Variants in SHANK2 observed in about 807,000 individuals in gnomAD.
SHANK2 encodes the protein SH3 and multiple ankyrin repeat domains protein 2.
A neutral mutation model predicts 133.7 loss-of-function variants in SHANK2; 43 were observed. The observed-to-expected ratio is 0.32, with a 90% CI of 0.25 to 0.41. The LOEUF is 0.41. SHANK2 is among the 10% of genes least tolerant of loss of function. SHANK2 has a pLI of 1.00. For missense variants in SHANK2, 1,994 were observed against 2,235.8 expected, an observed-to-expected ratio of 0.89 and a Z score of 2.18; for synonymous variants, 1,017 against 952.8, an observed-to-expected ratio of 1.07 and a Z score of -1.24.
chr11:70,850,048 C>T (rs1206596308), intron 11 of SHANK2, among the ~76,000 whole-genome samples: 2 of 152,116 alleles, frequency 1.3e-5, no homozygotes, highest in Non-Finnish European at 2.9e-5. Flanking sequence ...CCCTCTGTTT[C>T]TATGAATCTG....
At chr11:70,736,619 G>A (rs1946409950) in intron 14 of SHANK2, among the ~76,000 whole-genome samples, 1 of 152,168 alleles carries the variant, frequency 6.6e-6, no homozygotes, top group Non-Finnish European at 1.5e-5. Flanking sequence ...TGTGGAGGGA[G>A]CACGGCCCTG....
intron 11 of SHANK2, among the ~76,000 whole-genome samples, chr11:70,866,427 G>A (rs889418452): frequency 6.6e-6 from 1 of 152,208 alleles, no homozygotes; most frequent in Admixed American, 6.5e-5. Flanking sequence ...AGAACGAGAT[G>A]CTGCTGAAAC....
At chr11:70,676,562 C>T (rs114994280) in intron 15 of SHANK2, among the ~76,000 whole-genome samples, 1,928 of 152,364 alleles carry the variant, frequency 0.013, 41 homozygotes, top group African/African-American at 0.044. Flanking sequence ...GTGCCCTCCT[C>T]TGGACTCGCC....
chr11:71,067,144 C>T (rs919685410), intron 9 of SHANK2, among the ~76,000 whole-genome samples: 3 of 152,324 alleles, frequency 2.0e-5, no homozygotes, highest in South Asian at 2.1e-4. Flanking sequence ...GAGACCCACA[C>T]CCACAACGCC....
At chr11:70,672,757 A>C (rs1944837103) in intron 15 of SHANK2, among the ~76,000 whole-genome samples, 1 of 152,230 alleles carries the variant, frequency 6.6e-6, no homozygotes, top group Admixed American at 6.5e-5. Flanking sequence ...CCCCAGTAGC[A>C]CATGAGTGCC....
chr11:71,134,597 A>C (rs561890035), intron 3 of SHANK2, among the ~76,000 whole-genome samples: 1 of 151,942 alleles, frequency 6.6e-6, no homozygotes, highest in East Asian at 1.9e-4. Flanking sequence ...GCATCACCAC[A>C]CCTGGCTAAT....
intron 2 of SHANK2, among the ~76,000 whole-genome samples, chr11:71,166,471 G>A (rs1485377900): frequency 1.4e-5 from 2 of 147,046 alleles, no homozygotes; most frequent in Admixed American, 6.7e-5. Flanking sequence ...CAATCCACAC[G>A]TCTTTTTTTT....
intron 10 of SHANK2, among the ~76,000 whole-genome samples, chr11:70,933,937 AC>A (rs1555083008): frequency 6.2e-4 from 94 of 151,854 alleles, no homozygotes; most frequent in African/African-American, 2.1e-3. Context: ...AAACAAACAA[AC>A]AAAACAACAA....
At chr11:70,523,721 G>A (rs1554971547) in intron 17 of SHANK2, among the ~76,000 whole-genome samples, 1 of 152,204 alleles carries the variant, frequency 6.6e-6, no homozygotes, top group Non-Finnish European at 1.5e-5. Flanking sequence ...GGGCTGGGCT[G>A]TGCACGAATC....
chr11:71,145,607 G>C (rs1555106558), intron 3 of SHANK2, among the ~76,000 whole-genome samples: 1 of 152,212 alleles, frequency 6.6e-6, no homozygotes, highest in Non-Finnish European at 1.5e-5. Context: ...CACACATTTA[G>C]CCCTCGCTGG....
intron 2 of SHANK2, among the ~76,000 whole-genome samples, chr11:71,211,350 G>A (rs1954276635): frequency 7.2e-6 from 1 of 139,470 alleles, no homozygotes; most frequent in African/African-American, 3.0e-5. Context: ...ACCAGCCCAG[G>A]CAACATGGAG....
intron 15 of SHANK2, 73 bp downstream of exon 15, chr11:70,698,615 G>A: frequency 1.4e-6 from 1 of 717,268 alleles, no homozygotes; most frequent in South Asian, 1.5e-5. Context: ...CATGCAAGAT[G>A]GTCCAAAGCA....
chr11:70,857,399 A>T (rs1266448787), intron 11 of SHANK2, among the ~76,000 whole-genome samples: 1 of 152,210 alleles, frequency 6.6e-6, no homozygotes, highest in Admixed American at 6.5e-5. Context: ...CAACCTAGCC[A>T]CAAGCAACCT....
chr11:71,176,191 G>A (rs943919913), intron 2 of SHANK2, among the ~76,000 whole-genome samples: 2 of 152,076 alleles, frequency 1.3e-5, no homozygotes, highest in East Asian at 1.9e-4. Flanking sequence ...CCCGCCCAAC[G>A]AATATTCAAA....
chr11:71,140,589 G>GCCTC (rs1348199803), intron 3 of SHANK2, among the ~76,000 whole-genome samples: 16 of 152,348 alleles, frequency 1.1e-4, no homozygotes, highest in African/African-American at 3.6e-4. Flanking sequence ...GCTGATGAGA[G>GCCTC]CCTCCGAGTG....
At chr11:70,815,003 C>A (rs1948358690) in intron 12 of SHANK2, among the ~76,000 whole-genome samples, 1 of 152,190 alleles carries the variant, frequency 6.6e-6, no homozygotes, top group Non-Finnish European at 1.5e-5. Context: ...AGCAGGGACT[C>A]AGGTGTCTCA....
At chr11:70,638,165 C>T (rs2061130235) in intron 17 of SHANK2, among the ~76,000 whole-genome samples, 1 of 152,038 alleles carries the variant, frequency 6.6e-6, no homozygotes. Flanking sequence ...CGTCACTGCA[C>T]TGCTCAGAGC....
intron 11 of SHANK2, among the ~76,000 whole-genome samples, chr11:70,829,403 A>G (rs1390858464): frequency 6.6e-6 from 1 of 152,118 alleles, no homozygotes; most frequent in Non-Finnish European, 1.5e-5. Flanking sequence ...CAGGGGTTCC[A>G]TGAACCCTGG....
rs1259129678 is a variant in SHANK2 at position 71,175,092 on chromosome 11, A to G, written c.-12-27754T>C. On this transcript the variant is annotated intron_variant, in intron 2 of 25. Transcript: ENST00000601538. This position sits in a 1 kb window ranked among gnomAD's most constrained non-coding sequence, Gnocchi z 4.2. ...CTACAAAACACACACACGGTCGCAT[A>G]TGTGCATTTACCAGAGCAAGGGATT... 3.3e-5 allele frequency among the ~76,000 whole-genome samples: 5 copies of G among 152,174 alleles called. No individual in the cohort carries two copies. The highest frequency in any genetic ancestry group is 4.8e-5 in the African/African-American group (2 of 41,438).
Sources: gnomAD v4.1 joint callset for allele counts (sites outside exome capture counted in the v4.1 genomes callset) on GRCh38, gnomAD v4.1.1 for gene constraint, Gnocchi (gnomAD v3.1) non-coding constraint, MANE v1.5 for transcripts, NCBI Gene and HGNC (gene_info 2026-07-23, HGNC 2026-07-21) for gene names.